EGFLAM: variants seen among roughly 807,000 people sequenced by gnomAD.
EGFLAM encodes the protein pikachurin.
EGFLAM carries 79 observed loss-of-function variants against 113.1 expected under a neutral mutation model. The ratio of observed to expected loss-of-function variants is 0.70; its 90% CI spans 0.58 to 0.84. EGFLAM has a LOEUF of 0.84. Ranked by LOEUF, EGFLAM falls within the 40% of genes least tolerant of loss-of-function variation. The pLI is 0.00. For missense variants in EGFLAM, 1,265 were observed against 1,291.6 expected, an observed-to-expected ratio of 0.98 and a Z score of 0.32; for synonymous variants, 504 against 487.6, an observed-to-expected ratio of 1.03 and a Z score of -0.44.
At chr5:38,421,477 C>T (rs992411921) in intron 12 of EGFLAM, among the ~76,000 whole-genome samples, 3 of 152,226 alleles carry the variant, frequency 2.0e-5, no homozygotes, top group African/African-American at 7.2e-5. Flanking sequence ...CCATGGGTCT[C>T]ACTATGGCTT....
chr5:38,361,908 A>ATGT, intron 5 of EGFLAM, among the ~76,000 whole-genome samples: 1 of 99,002 alleles, frequency 1.0e-5, no homozygotes, highest in African/African-American at 2.9e-5. Context: ...AGGATTTTTG[A>ATGT]TTTTTTTTTT....
intron 19 of EGFLAM, among the ~76,000 whole-genome samples, chr5:38,457,143 CCAAGTT>C (rs1484151908): frequency 1.3e-5 from 2 of 152,146 alleles, no homozygotes; most frequent in South Asian, 4.1e-4. Context: ...AGAGGATACA[CCAAGTT>C]CAAGTTCTAC....
intron 1 of EGFLAM, among the ~76,000 whole-genome samples, chr5:38,297,708 C>A (rs1758479985): frequency 6.6e-6 from 1 of 152,174 alleles, no homozygotes. Context: ...AAAAAGCTAG[C>A]AAGAGTCATT....
At chr5:38,463,759 A>G (rs1579969482) in intron 21 of EGFLAM, 73 bp from the exon 22 acceptor site, 4 of 1,580,096 alleles carry the variant, frequency 2.5e-6, no homozygotes, top group East Asian at 2.3e-5. Flanking sequence ...AAGTGCCCCA[A>G]ACTGGAACCC....
intron 3 of EGFLAM, among the ~76,000 whole-genome samples, chr5:38,345,031 A>C (rs945305765): frequency 4.6e-5 from 7 of 152,266 alleles, no homozygotes; most frequent in African/African-American, 1.7e-4. Context: ...CTGTGAATGG[A>C]GGGAATGGAA....
chr5:38,379,664 C>T (rs988898511), intron 6 of EGFLAM, among the ~76,000 whole-genome samples: 2 of 151,972 alleles, frequency 1.3e-5, no homozygotes, highest in African/African-American at 4.8e-5. Flanking sequence ...AGCAAAGCGG[C>T]TTGTGTTGGG....
At chr5:38,451,548 A>G in intron 19 of EGFLAM, 90 bp downstream of exon 19, 4 of 1,514,688 alleles carry the variant, frequency 2.6e-6, no homozygotes, top group Admixed American at 2.1e-5. Context: ...GGGAGCCAGA[A>G]CACAGTCTGC....
chr5:38,440,127 T>C (rs1423078338), intron 17 of EGFLAM, among the ~76,000 whole-genome samples: 1 of 152,156 alleles, frequency 6.6e-6, no homozygotes, highest in Non-Finnish European at 1.5e-5. Flanking sequence ...AGCACCTGGA[T>C]CTGGCAAGAT....
At chr5:38,452,377 A>G (rs925590669) in intron 19 of EGFLAM, among the ~76,000 whole-genome samples, 3 of 152,154 alleles carry the variant, frequency 2.0e-5, no homozygotes, top group African/African-American at 7.2e-5. Context: ...TTCATGCTAC[A>G]ATGGCACACT....
At chr5:38,417,347 C>CAAAA (rs752613827) in intron 11 of EGFLAM, among the ~76,000 whole-genome samples, 77 of 78,442 alleles carry the variant, frequency 9.8e-4, no homozygotes, top group Non-Finnish European at 1.3e-3. Context: ...GACTCTGTCT[C>CAAAA]AAAAAAAAAA....
At chr5:38,282,289 A>T (rs1758037702) in intron 1 of EGFLAM, 2 of 140,312 alleles carry the variant, frequency 1.4e-5, no homozygotes, top group South Asian at 2.2e-4. Context: ...TTTATTTGAA[A>T]GGTGCAAACA....
intron 1 of EGFLAM, among the ~76,000 whole-genome samples, chr5:38,266,892 T>A (rs1757645918): frequency 6.6e-6 from 1 of 152,044 alleles, no homozygotes; most frequent in Non-Finnish European, 1.5e-5. Context: ...TTGATTGGAG[T>A]AAATCAGGAA....
intron 6 of EGFLAM, among the ~76,000 whole-genome samples, chr5:38,383,790 C>G (rs3110996): frequency 0.012 from 1,814 of 151,870 alleles, 33 homozygotes; most frequent in African/African-American, 0.038. Flanking sequence ...TCAGGGAAGG[C>G]TTCTCTCAAA....
At chr5:38,263,480 AC>A (rs1757554435) in intron 1 of EGFLAM, among the ~76,000 whole-genome samples, 1 of 152,072 alleles carries the variant, frequency 6.6e-6, no homozygotes, top group African/African-American at 2.4e-5. Context: ...GAAACAAAAA[AC>A]ATTGGGATGT....
chr5:38,464,061 C>G lies in EGFLAM; in HGVS notation c.*75C>G, dbSNP rs984338901. The G allele has an allele frequency of 1.1e-5, 17 of 1,574,958 alleles. No homozygotes were observed. Among genetic ancestry groups the G allele is most frequent in the Non-Finnish European group, 1.4e-5 (16 of 1,152,148 alleles). On this transcript the variant is annotated 3_prime_UTR_variant, in exon 22 of 22. Coordinates refer to ENST00000322350, the MANE Select transcript of EGFLAM (RefSeq NM_152403.4). Reference sequence around the variant, plus strand: ...AGGGGCCCTCAGACCCTGCCTGATGCTATATGCAGAGGCCCAGGGACCAGG... The same window carrying G: ...AGGGGCCCTCAGACCCTGCCTGATGGTATATGCAGAGGCCCAGGGACCAGG...
intron 1 of EGFLAM, among the ~76,000 whole-genome samples, chr5:38,291,834 G>A (rs923264903): frequency 6.6e-6 from 1 of 152,194 alleles, no homozygotes; most frequent in Non-Finnish European, 1.5e-5. Context: ...TAAGAAAAAT[G>A]GCATGGACCG....
chr5:38,396,259 A>G (rs1269459876), intron 6 of EGFLAM, among the ~76,000 whole-genome samples: 1 of 96,746 alleles, frequency 1.0e-5, no homozygotes, highest in Non-Finnish European at 2.2e-5. Flanking sequence ...CCACAGAAGG[A>G]GAGAGAGAGA....
chr5:38,409,870 G>A (rs528321562), intron 10 of EGFLAM, among the ~76,000 whole-genome samples: 4 of 152,272 alleles, frequency 2.6e-5, no homozygotes, highest in South Asian at 2.1e-4. Context: ...TTCCTGGGGG[G>A]CAGAGTTTTG....
At chr5:38,290,386 A>G (rs1286883214) in intron 1 of EGFLAM, among the ~76,000 whole-genome samples, 1 of 152,172 alleles carries the variant, frequency 6.6e-6, no homozygotes, top group Non-Finnish European at 1.5e-5. Flanking sequence ...ATATACCCAT[A>G]AGCAGAGGCG....
Sources: gnomAD v4.1 joint callset for allele counts (sites outside exome capture counted in the v4.1 genomes callset) on GRCh38, gnomAD v4.1.1 for gene constraint, MANE v1.5 for transcripts, NCBI Gene and HGNC (gene_info 2026-07-23, HGNC 2026-07-21) for gene names.